ZNF573: variants seen among roughly 807,000 people sequenced by gnomAD.
ZNF573 encodes the protein zinc finger protein 573.
ZNF573 carries 41 observed loss-of-function variants against 57.4 expected under a neutral mutation model. The ratio of observed to expected loss-of-function variants is 0.71; its 90% CI spans 0.56 to 0.93. The LOEUF (loss-of-function observed/expected upper bound fraction) is 0.93, where lower values mean the gene tolerates loss of function less well. Among genes scored for constraint, ZNF573 ranks in the 40% least tolerant of loss-of-function variants. The pLI is 0.00. For synonymous variants in ZNF573, 249 were observed against 261.0 expected (o/e 0.95, Z 0.44); for missense variants, 730 against 794.8 (o/e 0.92, Z 0.98).
chr19:37,767,001 T>C (rs1166314285), intron 4 of ZNF573, among the ~76,000 whole-genome samples: 3 of 152,138 alleles, frequency 2.0e-5, no homozygotes, highest in African/African-American at 7.2e-5. Flanking sequence ...AGGATAATAA[T>C]CCCTTTCCAA....
chr19:37,753,080 C>A (rs2045453466), intron 4 of ZNF573, among the ~76,000 whole-genome samples: 1 of 152,034 alleles, frequency 6.6e-6, no homozygotes. Context: ...AAAAGCAAGA[C>A]CCCGTCTCTA....
intron 1 of ZNF573, among the ~76,000 whole-genome samples, chr19:37,774,923 T>C (rs78145236): frequency 2.4e-4 from 36 of 152,060 alleles, no homozygotes; most frequent in African/African-American, 8.7e-4. Context: ...CACACACACA[T>C]ACACTCACAC....
intron 4 of ZNF573, among the ~76,000 whole-genome samples, chr19:37,762,965 G>T (rs147031703): frequency 0.04 from 6,023 of 152,022 alleles, 171 homozygotes; most frequent in South Asian, 0.086. Context: ...TAGAGACAGG[G>T]TTTCACCATG....
chr19:37,756,768 A>C (rs2045491706), intron 4 of ZNF573, among the ~76,000 whole-genome samples: 1 of 151,972 alleles, frequency 6.6e-6, no homozygotes, highest in Non-Finnish European at 1.5e-5. Context: ...CTCCAGAATA[A>C]TAAAATGCTA....
chr19:37,767,255 G>A (rs2045610165), intron 4 of ZNF573, among the ~76,000 whole-genome samples: 1 of 151,176 alleles, frequency 6.6e-6, no homozygotes, highest in African/African-American at 2.4e-5. Context: ...TTGAGACGGA[G>A]TCTCGCTCTG....
intron 4 of ZNF573, among the ~76,000 whole-genome samples, chr19:37,759,511 A>T (rs2145309212): frequency 6.6e-6 from 1 of 152,256 alleles, no homozygotes; most frequent in East Asian, 1.9e-4. Context: ...GTGGATCACG[A>T]GGTCAGGAGA....
chr19:37,768,661 TTTTA>T (rs1009324684), intron 4 of ZNF573, among the ~76,000 whole-genome samples: 2 of 152,206 alleles, frequency 1.3e-5, no homozygotes, highest in African/African-American at 2.4e-5. Context: ...GCTTATTTTA[TTTTA>T]TTTATTTATT....
intron 4 of ZNF573, among the ~76,000 whole-genome samples, chr19:37,764,132 T>G (rs1226573417): frequency 6.6e-6 from 1 of 151,264 alleles, no homozygotes; most frequent in Non-Finnish European, 1.5e-5. Context: ...TTATCATCAC[T>G]GGAGTATTGG....
intron 4 of ZNF573, among the ~76,000 whole-genome samples, chr19:37,741,414 C>T (rs2045326036): frequency 6.6e-6 from 1 of 152,132 alleles, no homozygotes; most frequent in African/African-American, 2.4e-5. Flanking sequence ...TACAGATGCA[C>T]AACACCACAC....
At chr19:37,747,400 A>G (rs2045392090) in intron 4 of ZNF573, among the ~76,000 whole-genome samples, 1 of 142,990 alleles carries the variant, frequency 7.0e-6, no homozygotes, top group African/African-American at 2.6e-5. Context: ...CTTGAAGTAT[A>G]AAACAAATAT....
chr19:37,756,044 A>G (rs1209511204), intron 4 of ZNF573, among the ~76,000 whole-genome samples: 1 of 152,194 alleles, frequency 6.6e-6, no homozygotes, highest in African/African-American at 2.4e-5. Context: ...GGAAGCCTGC[A>G]GGGAAAACAG....
At chr19:37,775,841 G>A (rs1350738321) in intron 1 of ZNF573, among the ~76,000 whole-genome samples, 3 of 41,442 alleles carry the variant, frequency 7.2e-5, no homozygotes, top group Non-Finnish European at 1.2e-4. Context: ...TACAACAGCT[G>A]CAAAAAAAAA....
intron 4 of ZNF573, among the ~76,000 whole-genome samples, chr19:37,743,313 C>T (rs756946521): frequency 1.9e-5 from 2 of 103,736 alleles, no homozygotes; most frequent in Non-Finnish European, 4.2e-5. Context: ...GAGTGAGAAT[C>T]CATCTCAAAA....
At chr19:37,742,214 T>C (rs1178685791) in intron 4 of ZNF573, among the ~76,000 whole-genome samples, 1 of 152,116 alleles carries the variant, frequency 6.6e-6, no homozygotes, top group Non-Finnish European at 1.5e-5. Flanking sequence ...TCCTAATGGA[T>C]AGGAAGAATC....
At chr19:37,740,369 C>T (rs898127391) in intron 4 of ZNF573, among the ~76,000 whole-genome samples, 175 bp from the exon 5 acceptor site, 2 of 152,106 alleles carry the variant, frequency 1.3e-5, no homozygotes, top group Non-Finnish European at 1.5e-5. Context: ...TGAGAGTTTA[C>T]GTAAGATAGT....
chr19:37,776,146 T>A (rs750865691), intron 1 of ZNF573, among the ~76,000 whole-genome samples: 1 of 152,020 alleles, frequency 6.6e-6, no homozygotes, highest in Non-Finnish European at 1.5e-5. Flanking sequence ...CTAAAATGCA[T>A]ATGGAACAAA....
At chr19:37,745,199 C>T (rs750539463) in intron 4 of ZNF573, among the ~76,000 whole-genome samples, 20 of 151,886 alleles carry the variant, frequency 1.3e-4, no homozygotes, top group Non-Finnish European at 4.4e-5. Context: ...CTCAGCTTCC[C>T]GAGTAGCTGG....
rs367939458 is a variant in ZNF573, at chr19:37,738,542, C to A, written c.1948G>T (p.Gly650Cys). The change falls in exon 5 of 5, where the codon GGT (glycine) becomes TGT (cysteine). Residue 650 changes from glycine to cysteine, a missense_variant. Physicochemically the swap from Gly to Cys is radical, Grantham distance 159. Transcript: ENST00000536220. ...CKQCGKTFRY[G>C]SALKAHQRIH... ...CTCTGATGGGCTTTAAGGGCTGAAC[C>A]ATATCTGAAGGTTTTCCCACACTGC... 4 of 1,570,782 alleles carry A rather than the reference C, an allele frequency of 2.5e-6. No homozygotes were observed. The highest frequency in any genetic ancestry group is 3.4e-6 in the Non-Finnish European group (4 of 1,163,106).
At chr19:37,745,085 A>T (rs1374403469) in intron 4 of ZNF573, among the ~76,000 whole-genome samples, 1 of 149,412 alleles carries the variant, frequency 6.7e-6, no homozygotes, top group Non-Finnish European at 1.5e-5. Flanking sequence ...CCCGGCCAGG[A>T]AATACTTAAA....
Sources: gnomAD v4.1 joint callset for allele counts (sites outside exome capture counted in the v4.1 genomes callset) on GRCh38, gnomAD v4.1.1 for gene constraint, MANE v1.5 for transcripts, NCBI Gene and HGNC (gene_info 2026-07-23, HGNC 2026-07-21) for gene names.